The following SYNPO variants were observed in gnomAD, a reference collection of about 807,000 sequenced individuals.
SYNPO encodes the protein synaptopodin.
In SYNPO, 19 loss-of-function variants were observed where a neutral mutation model predicts 49.5. That is an observed-to-expected ratio of 0.38 (90% CI 0.27 to 0.56). The LOEUF is 0.56. SYNPO is among the 20% of genes least tolerant of loss of function. The probability of loss-of-function intolerance (pLI) is 0.68; values close to 1 mark genes in which losing one functional copy is unlikely to be tolerated. For missense variants in SYNPO, 1,131 were observed against 1,248.3 expected, an observed-to-expected ratio of 0.91 and a Z score of 1.42; for synonymous variants, 536 against 548.0, an observed-to-expected ratio of 0.98 and a Z score of 0.31.
At chr5:150,647,488 G>A (rs1292507274) in intron 1 of SYNPO, among the ~76,000 whole-genome samples, 1 of 152,334 alleles carries the variant, frequency 6.6e-6, no homozygotes, top group East Asian at 1.9e-4. Flanking sequence ...ATTCCAAGGA[G>A]AGCGAGCAGC....
intron 2 of SYNPO, among the ~76,000 whole-genome samples, chr5:150,621,441 C>T (rs1057136415): frequency 6.6e-6 from 1 of 152,152 alleles, no homozygotes; most frequent in Non-Finnish European, 1.5e-5. Context: ...TCAGAGCCCA[C>T]ACTTGCCTTT....
intron 2 of SYNPO, among the ~76,000 whole-genome samples, chr5:150,631,701 AG>A (rs932323269): frequency 6.6e-6 from 1 of 152,040 alleles, no homozygotes; most frequent in African/African-American, 2.4e-5. Context: ...CCACCCTGAT[AG>A]TGCTATCGAC....
At chr5:150,597,359 T>C (rs527560546), upstream of SYNPO, among the ~76,000 whole-genome samples, 10 of 152,286 alleles carry the variant, frequency 6.6e-5, no homozygotes, top group South Asian at 2.1e-3. Flanking sequence ...GAGACAGAGT[T>C]TTGCTCTTGT....
intron 2 of SYNPO, among the ~76,000 whole-genome samples, chr5:150,618,967 C>T (rs1047029434): frequency 6.6e-6 from 1 of 152,118 alleles, no homozygotes; most frequent in South Asian, 2.1e-4. Flanking sequence ...ACATCTAACC[C>T]CACTCCTTTC....
chr5:150,651,407 G>A lies in SYNPO; in HGVS notation c.2028+1104G>A, dbSNP rs945203298. 2.1e-5 allele frequency: 21 copies of A among 1,000,356 alleles called. No homozygotes were observed. In the African/African-American group the frequency reaches 3.5e-4, roughly 17 times the overall value. 62.0% of individuals were successfully genotyped at this position (1,000,356 alleles called of 1,614,324 possible). ...GGCTTTTCTAGCTGTAACAATCTGT[G>A]AGGATTGAGAGGATAGGCTGGTGCT... On this transcript the variant is annotated intron_variant, in intron 2 of 2. Transcript: ENST00000307662.
upstream of SYNPO, among the ~76,000 whole-genome samples, chr5:150,638,251 T>C (rs1434144100): frequency 6.6e-6 from 1 of 152,152 alleles, no homozygotes; most frequent in East Asian, 1.9e-4. Flanking sequence ...TAATTCATCT[T>C]TCTCTTAGGT....
At position 150,657,260 on chromosome 5, in the gene SYNPO, T is replaced by G; in HGVS notation, c.*173T>G. ...CGCAAGCTTGAGTTCTAGCCCTTGCTCTCATTCAGCTGTTGTGTGACCCTG... is the reference window on the plus strand; with the variant it reads ...CGCAAGCTTGAGTTCTAGCCCTTGCGCTCATTCAGCTGTTGTGTGACCCTG... On this transcript the variant is annotated 3_prime_UTR_variant, in exon 3 of 3. Coordinates refer to ENST00000307662, the MANE Select transcript of SYNPO (RefSeq NM_007286.6). 2.9e-6 allele frequency: 2 copies of G among 696,884 alleles called. No homozygotes were observed. The highest frequency in any genetic ancestry group is 4.7e-6 in the Non-Finnish European group (2 of 427,366). The allele number at this position is 696,884 out of a possible 1,614,324, so 43.2% of individuals were successfully genotyped here.
chr5:150,600,769 G>A (rs1756506969), upstream of SYNPO, among the ~76,000 whole-genome samples: 1 of 152,046 alleles, frequency 6.6e-6, no homozygotes, highest in South Asian at 2.1e-4. Flanking sequence ...CTAAGGTTTT[G>A]GAAACATATT....
intron 2 of SYNPO, among the ~76,000 whole-genome samples, chr5:150,619,069 G>A (rs10068617): frequency 0.018 from 2,797 of 151,950 alleles, 93 homozygotes; most frequent in African/African-American, 0.064. Context: ...TCCCACTCTC[G>A]TCTGCCTTTT....
chr5:150,650,544 G>T (rs768184794), intron 2 of SYNPO: 92 of 1,467,112 alleles, frequency 6.3e-5, no homozygotes, highest in East Asian at 2.5e-4. Flanking sequence ...TACAACAGGG[G>T]TCGGACTCCA....
At chr5:150,624,683 G>A (rs1358786646) in intron 2 of SYNPO, 13 of 257,292 alleles carry the variant, frequency 5.1e-5, no homozygotes, top group Non-Finnish European at 6.7e-5. Flanking sequence ...CGGCTCACCC[G>A]CCCGCCCGCC....
upstream of SYNPO, among the ~76,000 whole-genome samples, chr5:150,638,263 G>T (rs253346): frequency 6.6e-6 from 1 of 152,146 alleles, no homozygotes; most frequent in African/African-American, 2.4e-5. Context: ...CTCTTAGGTT[G>T]TATGTTCTCC....
chr5:150,607,381 G>A (rs906071686), intron 1 of SYNPO, among the ~76,000 whole-genome samples: 11 of 152,156 alleles, frequency 7.2e-5, no homozygotes, highest in African/African-American at 2.4e-4. Context: ...TAATATTGGG[G>A]TCAGTTTATT....
chr5:150,597,133 G>A (rs1204612563), upstream of SYNPO, among the ~76,000 whole-genome samples: 4 of 152,126 alleles, frequency 2.6e-5, no homozygotes, highest in Non-Finnish European at 5.9e-5. Flanking sequence ...GGAGCTTCCT[G>A]TTTCTTCAAG....
chr5:150,589,063 A>ATTTTTTTTT, the SYNPO span, among the ~76,000 whole-genome samples: 1 of 145,260 alleles, frequency 6.9e-6, no homozygotes. Context: ...TGCTTTATAG[A>ATTTTTTTTT]TTTTTTTTTT....
chr5:150,597,610 A>G (rs1489734811), upstream of SYNPO, among the ~76,000 whole-genome samples: 1 of 152,136 alleles, frequency 6.6e-6, no homozygotes. Context: ...CTGGGATTAC[A>G]GTTGTGAGCC....
Position 150,643,771 on chromosome 5 carries a change from G to A in SYNPO, c.-333+2917G>A, listed in dbSNP as rs374003625. On this transcript the variant is annotated intron_variant, in intron 1 of 2. Transcript: ENST00000307662. ...GCTGGTCTCGAACTCCTGACCTCGT[G>A]ATCCACCTGCCTTGGCCCCCCAAAA... is the stretch of plus-strand genomic sequence containing the variant. Among the ~76,000 whole-genome samples the A allele has an allele frequency of 7.9e-5, 12 of 152,242 alleles. No individual in the cohort carries two copies. In the East Asian group the frequency reaches 2.1e-3, roughly 27 times the overall value.
chr5:150,607,863 A>C (rs900525823), intron 1 of SYNPO, among the ~76,000 whole-genome samples: 2 of 152,234 alleles, frequency 1.3e-5, no homozygotes, highest in African/African-American at 4.8e-5. Context: ...TCATGTTAAC[A>C]TGTAATAAAT....
At chr5:150,654,146 A>C (rs1460050828) in intron 2 of SYNPO, 1 of 152,248 alleles carries the variant, frequency 6.6e-6, no homozygotes, top group African/African-American at 2.4e-5. Flanking sequence ...TCGGGTAGGA[A>C]GCATGGAATG....
Sources: allele counts gnomAD v4.1 joint callset (sites outside exome capture counted in the v4.1 genomes callset), GRCh38; gene constraint gnomAD v4.1.1; transcripts MANE v1.5; gene names NCBI Gene and HGNC (gene_info 2026-07-23, HGNC 2026-07-21).